The following SP4 variants were observed in gnomAD, a reference collection of about 807,000 sequenced individuals.
The protein encoded by SP4 is Sp4 transcription factor, also known as transcription factor Sp4.
In SP4, 19 loss-of-function variants were observed where a neutral mutation model predicts 72.8. The ratio of observed to expected loss-of-function variants is 0.26; its 90% CI spans 0.18 to 0.38. The LOEUF (loss-of-function observed/expected upper bound fraction) is 0.38. Ranked by LOEUF, SP4 falls within the 10% of genes least tolerant of loss-of-function variation. The pLI is 1.00. For missense variants in SP4, 1,008 were observed against 926.3 expected, an observed-to-expected ratio of 1.09 and a Z score of -1.14; for synonymous variants, 395 against 333.1, an observed-to-expected ratio of 1.19 and a Z score of -2.02.
At chr7:21,440,158 C>T (rs971602021) in intron 3 of SP4, among the ~76,000 whole-genome samples, 8 of 152,070 alleles carry the variant, frequency 5.3e-5, no homozygotes, top group Non-Finnish European at 4.4e-5. Context: ...GGGTACTCCC[C>T]GCCCCCACCA....
chr7:21,456,809 T>C (rs6461564), intron 3 of SP4, among the ~76,000 whole-genome samples: 58,663 of 152,134 alleles, frequency 0.39, 11,601 homozygotes, highest in East Asian at 0.6. Flanking sequence ...GGATTTCCTC[T>C]GCTTTTTCAA....
In SP4 at chr7:21,483,935, G is replaced by T. The variant is rs187432248; in HGVS notation, c.2107+1812G>T. Reference sequence around the variant, plus strand: ...TTTAAACCTGTACCAAGATACATGTGGGACAAAGGGAGAAATAAAACTGAC... The same window carrying T: ...TTTAAACCTGTACCAAGATACATGTTGGACAAAGGGAGAAATAAAACTGAC... On this transcript the variant is annotated intron_variant, in intron 5 of 5. Coordinates refer to ENST00000222584, the MANE Select transcript of SP4 (RefSeq NM_003112.5). Among the ~76,000 whole-genome samples, 25 of 151,698 alleles carry T rather than the reference G, an allele frequency of 1.6e-4. No homozygotes were observed. The East Asian group carries it at 4.5e-3, about 27-fold the overall frequency.
At chr7:21,435,262 G>A (rs1331213307) in intron 3 of SP4, among the ~76,000 whole-genome samples, 1 of 152,104 alleles carries the variant, frequency 6.6e-6, no homozygotes, top group Non-Finnish European at 1.5e-5. Flanking sequence ...TTAATAATAA[G>A]ATACTGCTGA....
rs183126576 is a variant in SP4, at chr7:21,495,422, T to A, written c.2107+13299T>A. On this transcript the variant is annotated intron_variant, in intron 5 of 5. Coordinates refer to ENST00000222584, the MANE Select transcript of SP4 (RefSeq NM_003112.5). Reference sequence around the variant, plus strand: ...AACAAATTTAACAGTTTTTTTTTTTTAAATGAGCAAAGGATTTGACACTTC... The same window carrying A: ...AACAAATTTAACAGTTTTTTTTTTTAAAATGAGCAAAGGATTTGACACTTC... Among the ~76,000 whole-genome samples the A allele has an allele frequency of 7.3e-3, 1,108 of 151,306 alleles. 16 individuals carry two copies. The highest frequency in any genetic ancestry group is 0.026 in the African/African-American group (1,064 of 41,232).
At position 21,470,749 on chromosome 7, in the gene SP4, GAAAAA is replaced by G. The variant is rs11406915; in HGVS notation, c.1679-6314_1679-6310del. On this transcript the variant is annotated intron_variant, in intron 3 of 5. Transcript: ENST00000222584. ...TACCTTGGCCCAGTTTCTATATTTGGAAAAAAAAAAAAAAAAAAAAGCAGAACAAA... is the reference window on the plus strand; with the variant it reads ...TACCTTGGCCCAGTTTCTATATTTGGAAAAAAAAAAAAAAAGCAGAACAAA... Among the ~76,000 whole-genome samples the G allele has an allele frequency of 1.3e-4, 14 of 105,334 alleles. No homozygotes were observed. The South Asian group carries it at 2.8e-3, about 21-fold the overall frequency. The allele number at this position is 105,334 out of a possible 152,430, so 69.1% of individuals were successfully genotyped here. A position where few individuals can be genotyped will look rare whatever the true frequency, so the allele number is the denominator to read the frequency against.
intron 3 of SP4, among the ~76,000 whole-genome samples, chr7:21,459,744 T>A (rs1379220971): frequency 1.3e-5 from 2 of 152,244 alleles, no homozygotes; most frequent in Non-Finnish European, 2.9e-5. Flanking sequence ...TCCATTTAAT[T>A]GTTAGTGGTC....
At chr7:21,429,158 G>T (rs1782738927) in intron 2 of SP4, 131 bp from the exon 3 acceptor site, 1 of 596,956 alleles carries the variant, frequency 1.7e-6, no homozygotes, top group Non-Finnish European at 2.9e-6. Context: ...ATTTCTTTTT[G>T]ATTTCTGCTG....
At chr7:21,448,764 T>C (rs1321011997) in intron 3 of SP4, among the ~76,000 whole-genome samples, 2 of 152,256 alleles carry the variant, frequency 1.3e-5, no homozygotes, top group Non-Finnish European at 2.9e-5. Context: ...AATTATTATG[T>C]GTGTATGTTT....
chr7:21,444,681 A>G (rs933567833), intron 3 of SP4, among the ~76,000 whole-genome samples: 5 of 152,112 alleles, frequency 3.3e-5, no homozygotes, highest in African/African-American at 1.2e-4. Context: ...TTAACTGTTT[A>G]TTTTTCACAA....
At chr7:21,443,836 C>T (rs1457585165) in intron 3 of SP4, among the ~76,000 whole-genome samples, 2 of 152,210 alleles carry the variant, frequency 1.3e-5, no homozygotes, top group Non-Finnish European at 2.9e-5. Context: ...TTTGTGAATT[C>T]TGCAGGTTTT....
intron 3 of SP4, among the ~76,000 whole-genome samples, chr7:21,464,577 T>G (rs1239852235): frequency 8.3e-6 from 1 of 120,350 alleles, no homozygotes; most frequent in African/African-American, 3.5e-5. Flanking sequence ...AAAATCTATT[T>G]TCTATTTTTT....
chr7:21,460,106 C>T (rs1783906980), intron 3 of SP4, among the ~76,000 whole-genome samples: 1 of 152,042 alleles, frequency 6.6e-6, no homozygotes, highest in African/African-American at 2.4e-5. Context: ...AAGGAGAGCC[C>T]TAACAGGAAT....
intron 5 of SP4, 110 bp from the exon 6 acceptor site, chr7:21,510,912 A>C: frequency 9.8e-7 from 1 of 1,024,584 alleles, no homozygotes; most frequent in South Asian, 1.8e-5. Flanking sequence ...TTTTGCAACT[A>C]GTGAAACTGT....
intron 5 of SP4, among the ~76,000 whole-genome samples, chr7:21,502,896 C>T (rs577360472): frequency 2.6e-5 from 4 of 152,120 alleles, no homozygotes; most frequent in Non-Finnish European, 5.9e-5. Flanking sequence ...GGGGCCAGCC[C>T]ATGTTTTCTT....
chr7:21,475,120 G>GTTTTTTT (rs563629984), intron 3 of SP4, among the ~76,000 whole-genome samples: 5 of 143,296 alleles, frequency 3.5e-5, no homozygotes, highest in Non-Finnish European at 3.1e-5. Flanking sequence ...TTTGTTTTTT[G>GTTTTTTT]TTTTTTTTTT....
chr7:21,441,381 C>G (rs756913031), intron 3 of SP4, among the ~76,000 whole-genome samples: 6 of 152,170 alleles, frequency 3.9e-5, no homozygotes, highest in Non-Finnish European at 7.3e-5. Flanking sequence ...TTCCTAGAGG[C>G]TTAGTGGTCT....
chr7:21,501,104 C>G (rs1408108915), intron 5 of SP4, among the ~76,000 whole-genome samples: 1 of 152,178 alleles, frequency 6.6e-6, no homozygotes, highest in Non-Finnish European at 1.5e-5. Context: ...GGACATCATC[C>G]AAGTTTCATT....
rs1011782966 is a variant in SP4, at chr7:21,429,925, G to A, written c.760G>A (p.Val254Ile). 3.7e-6 allele frequency: 6 copies of A among 1,614,076 alleles called. No individual in the cohort carries two copies. The highest frequency in any genetic ancestry group is 5.1e-6 in the Non-Finnish European group (6 of 1,180,038). Reference protein sequence around the residue: ...QTLPGTQAQVVTTLPINIGGV... With the variant: ...QTLPGTQAQVITTLPINIGGV... ...TCTTCCTGGTACTCAGGCTCAAGTT[G>A]TAACAACCCTACCAATTAACATTGG... The change falls in exon 3 of 6, where the codon GTA becomes ATA. Residue 254 changes from valine to isoleucine, a missense_variant. This residue lies in a region of SP4 where 893 missense variants were observed against 743.3 expected (regional missense o/e 1.20). Transcript: ENST00000222584.
chr7:21,443,011 C>A (rs545761769), intron 3 of SP4, among the ~76,000 whole-genome samples: 9 of 152,336 alleles, frequency 5.9e-5, no homozygotes, highest in African/African-American at 2.2e-4. Flanking sequence ...GCTGGGATTA[C>A]AGGTTTAAGC....
Sources: gnomAD v4.1 joint callset for allele counts (sites outside exome capture counted in the v4.1 genomes callset) on GRCh38, gnomAD v4.1.1 for gene constraint, gnomAD v4.1.1 regional missense constraint, MANE v1.5 for transcripts, NCBI Gene and HGNC (gene_info 2026-07-23, HGNC 2026-07-21) for gene names.